Variants in MECOM observed in about 807,000 individuals in gnomAD.
MECOM encodes MDS1 and EVI1 complex locus.
Under a neutral mutation model 116.3 loss-of-function variants are expected in MECOM, and 13 were observed. The observed-to-expected ratio is 0.11, with a 90% confidence interval of 0.07 to 0.18. MECOM has a LOEUF of 0.18. Ranked by LOEUF, MECOM falls within the 10% of genes least tolerant of loss-of-function variation. MECOM has a pLI of 1.00. For missense variants in MECOM, 1,299 were observed against 1,509.0 expected (o/e 0.86, Z 2.31); for synonymous variants, 528 against 535.2 (o/e 0.99, Z 0.19).
At chr3:169,482,506 T>C (rs1474404641) in intron 1 of MECOM, among the ~76,000 whole-genome samples, 1 of 151,864 alleles carries the variant, frequency 6.6e-6, no homozygotes, top group Non-Finnish European at 1.5e-5. Context: ...GGCTAATTTT[T>C]TGTATATTTA....
chr3:169,588,289 A>G (rs914280156), intron 1 of MECOM, among the ~76,000 whole-genome samples: 2 of 152,166 alleles, frequency 1.3e-5, no homozygotes, highest in Non-Finnish European at 2.9e-5. Context: ...CGTGACTTAT[A>G]TACCTTTCTT....
chr3:169,444,688 C>A (rs1744310421), intron 1 of MECOM, among the ~76,000 whole-genome samples: 1 of 152,094 alleles, frequency 6.6e-6, no homozygotes, highest in Middle Eastern at 3.4e-3. Context: ...GAAAAGATAC[C>A]CGATGACTTT....
Position 169,112,850 on chromosome 3 carries a change from G to A in MECOM, c.2514C>T (p.Asp838=). ...ATTTCTCTTTTAAAGCTTCAAGTGG[G>A]TCAGTTAGTTTTCTTTTCTCTACTC... The part of the protein sequence containing the change: ...IYRVEKRKLT[D]PLEALKEKYL... The change falls in exon 9 of 17, where the codon GAC becomes GAT. Residue 838 remains aspartate, a synonymous_variant. Coordinates refer to ENST00000651503, the MANE Select transcript of MECOM (RefSeq NM_004991.4). The A allele has an allele frequency of 6.2e-7, 1 of 1,612,750 alleles. No individual in the cohort carries two copies.
At chr3:169,480,987 G>T (rs576633824) in intron 1 of MECOM, among the ~76,000 whole-genome samples, 8 of 152,002 alleles carry the variant, frequency 5.3e-5, no homozygotes, top group African/African-American at 1.9e-4. Flanking sequence ...CTTAAAACAC[G>T]TTTCTGTACT....
chr3:169,153,599 C>A (rs1443530004), intron 2 of MECOM, among the ~76,000 whole-genome samples: 1 of 152,124 alleles, frequency 6.6e-6, no homozygotes, highest in Non-Finnish European at 1.5e-5. Flanking sequence ...TATGCAATAA[C>A]TCCAGGATCA....
intron 1 of MECOM, among the ~76,000 whole-genome samples, chr3:169,452,240 T>C (rs556151693): frequency 6.6e-6 from 1 of 152,156 alleles, no homozygotes; most frequent in South Asian, 2.1e-4. Context: ...GGCCAAGTGA[T>C]AGAGGTCAAG....
Position 169,473,855 on chromosome 3 carries a change from A to G in MECOM, c.38-92331T>C, listed in dbSNP as rs897904083. 3.9e-5 allele frequency among the ~76,000 whole-genome samples: 6 copies of G among 152,236 alleles called. No homozygotes were observed. In the South Asian group the frequency reaches 1.2e-3, roughly 32 times the overall value. On this transcript the variant is annotated intron_variant, in intron 1 of 16. Transcript: ENST00000651503. ...AAGCCAATTACACATATAGCAAAAG[A>G]GAAGGAAGAATAAATACTATATATA...
At chr3:169,300,663 C>T (rs1028431925) in intron 2 of MECOM, among the ~76,000 whole-genome samples, 1 of 152,152 alleles carries the variant, frequency 6.6e-6, no homozygotes, top group East Asian at 1.9e-4. Flanking sequence ...TTAGGTCCTT[C>T]CATTTATTGA....
chr3:169,308,625 G>T (rs578134615), intron 2 of MECOM, among the ~76,000 whole-genome samples: 3 of 152,234 alleles, frequency 2.0e-5, no homozygotes, highest in Admixed American at 6.5e-5. Context: ...AAATTTATTT[G>T]TCAATCGTCA....
At chr3:169,500,583 A>T (rs1754404731) in intron 1 of MECOM, among the ~76,000 whole-genome samples, 1 of 148,364 alleles carries the variant, frequency 6.7e-6, no homozygotes, top group Non-Finnish European at 1.5e-5. Context: ...TAGTTTATAC[A>T]AAAAAACACA....
intron 1 of MECOM, among the ~76,000 whole-genome samples, chr3:169,565,774 A>C (rs1763162316): frequency 6.6e-6 from 1 of 152,036 alleles, no homozygotes; most frequent in African/African-American, 2.4e-5. Context: ...TAGAGTGTAC[A>C]CCTCAAGTAG....
chr3:169,567,959 G>A (rs1763429017), intron 1 of MECOM, among the ~76,000 whole-genome samples: 1 of 152,178 alleles, frequency 6.6e-6, no homozygotes, highest in Admixed American at 6.5e-5. Flanking sequence ...ACTCCAGTCT[G>A]CAGCTCCCAG....
chr3:169,242,376 C>T (rs945707359), intron 2 of MECOM, among the ~76,000 whole-genome samples: 2 of 152,118 alleles, frequency 1.3e-5, no homozygotes, highest in African/African-American at 4.8e-5. Flanking sequence ...TGTCTCAAGT[C>T]TATGAGCTAC....
intron 1 of MECOM, among the ~76,000 whole-genome samples, chr3:169,416,817 T>A (rs1013951981): frequency 6.6e-6 from 1 of 152,068 alleles, no homozygotes; most frequent in African/African-American, 2.4e-5. Flanking sequence ...TCTACAACTA[T>A]CTGATCTTTG....
At chr3:169,515,934 A>G (rs1756567641) in intron 1 of MECOM, among the ~76,000 whole-genome samples, 1 of 152,220 alleles carries the variant, frequency 6.6e-6, no homozygotes, top group African/African-American at 2.4e-5. Flanking sequence ...TGGGGGGAAA[A>G]TGCTGAAACA....
intron 2 of MECOM, among the ~76,000 whole-genome samples, chr3:169,267,842 C>G (rs1468223866): frequency 6.6e-6 from 1 of 152,012 alleles, no homozygotes; most frequent in Non-Finnish European, 1.5e-5. Context: ...AATCACAATC[C>G]TCATGATCCA....
chr3:169,406,531 C>G (rs558751790), intron 1 of MECOM, among the ~76,000 whole-genome samples: 3 of 152,288 alleles, frequency 2.0e-5, no homozygotes, highest in African/African-American at 7.2e-5. Flanking sequence ...ATGAAGATAT[C>G]ATTTTTAGTT....
chr3:169,222,040 C>A (rs1752200371), intron 2 of MECOM, among the ~76,000 whole-genome samples: 1 of 152,088 alleles, frequency 6.6e-6, no homozygotes, highest in Non-Finnish European at 1.5e-5. Context: ...ATTATCATTT[C>A]CGTAGATCAC....
intron 3 of MECOM, among the ~76,000 whole-genome samples, chr3:169,141,672 T>C (rs1161572017): frequency 6.6e-6 from 1 of 152,032 alleles, no homozygotes; most frequent in East Asian, 1.9e-4. Context: ...CATACACTAT[T>C]TGGGTGTCTC....
Sources: gnomAD v4.1 joint callset for allele counts (sites outside exome capture counted in the v4.1 genomes callset) on GRCh38, gnomAD v4.1.1 for gene constraint, MANE v1.5 for transcripts, NCBI Gene and HGNC (gene_info 2026-07-23, HGNC 2026-07-21) for gene names.